Variants in DDX60L observed in about 807,000 individuals in gnomAD.
DDX60L encodes the protein DExD/H-box 60 like.
In DDX60L, 191 loss-of-function variants were observed where a neutral mutation model predicts 211.6. The ratio of observed to expected loss-of-function variants is 0.90; its 90% confidence interval spans 0.80 to 1.02. DDX60L has a LOEUF of 1.02. Ranked by LOEUF, DDX60L falls within the 50% of genes least tolerant of loss-of-function variation. The pLI, the probability that DDX60L is intolerant of heterozygous loss-of-function variation, is 0.00. For missense variants in DDX60L, 2,007 were observed against 1,984.1 expected (o/e 1.01, Z -0.22); for synonymous variants, 706 against 694.1 (o/e 1.02, Z -0.27).
chr4:168,386,689 A>C (rs2149704609), intron 29 of DDX60L, among the ~76,000 whole-genome samples: 1 of 151,820 alleles, frequency 6.6e-6, no homozygotes, highest in Middle Eastern at 3.4e-3. Flanking sequence ...TGTTTTTTTA[A>C]TCAAAGTCAC....
chr4:168,409,205 A>G (rs1024157144), intron 22 of DDX60L, among the ~76,000 whole-genome samples: 1 of 152,202 alleles, frequency 6.6e-6, no homozygotes, highest in African/African-American at 2.4e-5. Flanking sequence ...TAAAGAGCTG[A>G]GAAGATTCAT....
intron 9 of DDX60L, among the ~76,000 whole-genome samples, chr4:168,442,823 G>C (rs1754139447): frequency 6.6e-6 from 1 of 151,218 alleles, no homozygotes; most frequent in Admixed American, 6.6e-5. Context: ...GGTCCTCTCT[G>C]TTAGAAGGAA....
intron 28 of DDX60L, among the ~76,000 whole-genome samples, chr4:168,391,933 C>A (rs1030370278): frequency 2.0e-5 from 3 of 152,152 alleles, no homozygotes; most frequent in Non-Finnish European, 4.4e-5. Flanking sequence ...AGACTTCCTG[C>A]ACCATCGTTT....
In DDX60L at chr4:168,394,637, TA is replaced by T; in HGVS notation, c.3658-21del. 6.4e-7 allele frequency: 1 copy of T among 1,571,912 alleles called. No individual in the cohort carries two copies. Among genetic ancestry groups the T allele is most frequent in the Non-Finnish European group, 8.6e-7 (1 of 1,161,860 alleles). ...CAAAGTCTAAAACAAGAAAGAAGTGTAAAACAATTGATGATGTATTTTATTT... is the reference window on the plus strand; with the variant it reads ...CAAAGTCTAAAACAAGAAAGAAGTGTAAACAATTGATGATGTATTTTATTT... On this transcript the variant is annotated intron_variant, in intron 27 of 37. Coordinates refer to ENST00000682922, the MANE Select transcript of DDX60L (RefSeq NM_001012967.3).
chr4:168,442,566 T>C (rs1307453667), intron 9 of DDX60L, among the ~76,000 whole-genome samples: 1 of 152,160 alleles, frequency 6.6e-6, no homozygotes, highest in Non-Finnish European at 1.5e-5. Flanking sequence ...GCTCCACCTC[T>C]GGGGGCAGGG....
intron 26 of DDX60L, among the ~76,000 whole-genome samples, chr4:168,397,824 G>T (rs544159100): frequency 6.6e-6 from 1 of 152,332 alleles, no homozygotes; most frequent in African/African-American, 2.4e-5. Flanking sequence ...CTGGGAACAG[G>T]TGGAAGTCCT....
chr4:168,397,434 G>A (rs1169398057), intron 26 of DDX60L, among the ~76,000 whole-genome samples: 1 of 152,186 alleles, frequency 6.6e-6, no homozygotes, highest in Non-Finnish European at 1.5e-5. Context: ...ATGATTCAAA[G>A]TGGAATGAGA....
chr4:168,373,517 C>A, intron 35 of DDX60L, 149 bp downstream of exon 35: 1 of 796,198 alleles, frequency 1.3e-6, no homozygotes. Flanking sequence ...TCACACTGGC[C>A]TCCAGGGCTT....
intron 36 of DDX60L, among the ~76,000 whole-genome samples, chr4:168,366,181 C>T (rs532132447): frequency 3.9e-5 from 6 of 152,050 alleles, no homozygotes; most frequent in Admixed American, 2.0e-4. Context: ...ACATCCAAAT[C>T]GGAAAGGAAA....
At chr4:168,477,280 T>C (rs530270661) in intron 1 of DDX60L, among the ~76,000 whole-genome samples, 2 of 152,128 alleles carry the variant, frequency 1.3e-5, no homozygotes, top group East Asian at 3.9e-4. Context: ...CCGGGCGTGG[T>C]GGCAGGCGCC....
At chr4:168,473,149 A>C (rs1759031174) in intron 1 of DDX60L, among the ~76,000 whole-genome samples, 1 of 152,204 alleles carries the variant, frequency 6.6e-6, no homozygotes, top group African/African-American at 2.4e-5. Flanking sequence ...CAAGATTCAG[A>C]AAAGAAGTTA....
chr4:168,440,525 C>G (rs1223183721), intron 10 of DDX60L, among the ~76,000 whole-genome samples: 2 of 151,692 alleles, frequency 1.3e-5, no homozygotes, highest in African/African-American at 4.9e-5. Flanking sequence ...AGCTTTTCTC[C>G]TCTCTGGTCA....
At chr4:168,368,363 T>C (rs1405597129) in intron 36 of DDX60L, among the ~76,000 whole-genome samples, 1 of 152,196 alleles carries the variant, frequency 6.6e-6, no homozygotes, top group Non-Finnish European at 1.5e-5. Flanking sequence ...CACATGGTGT[T>C]CAGCCTGCAG....
chr4:168,380,167 A>G (rs919574427), intron 30 of DDX60L: 2 of 189,590 alleles, frequency 1.1e-5, no homozygotes, highest in African/African-American at 4.7e-5. Flanking sequence ...AGGCCATTCT[A>G]AAGGTAAATA....
intron 13 of DDX60L, 125 bp downstream of exon 13, chr4:168,430,352 AT>A: frequency 1.3e-6 from 1 of 777,204 alleles, no homozygotes; most frequent in Non-Finnish European, 1.9e-6. Context: ...CAATGTGAGA[AT>A]GGACTAAGAC....
In DDX60L at chr4:168,461,868, G is replaced by A. The variant is rs753344116; in HGVS notation, c.437C>T (p.Ser146Leu). The change falls in exon 5 of 38, where the codon TCA becomes TTA. Residue 146 changes from serine to leucine, a missense_variant. Physicochemically the swap from Ser to Leu is moderately radical, Grantham distance 145. Transcript: ENST00000682922. ...TTGTAAATCACTCAGGCCTTCCTCT[G>A]AAACTATCAGAAAATACGGGTAATG... ...EQHYPYFLIV[S>L]EEGLSDLQTY... The A allele has an allele frequency of 7.4e-6, 12 of 1,610,778 alleles. No homozygotes were observed. In the South Asian group the frequency reaches 1.1e-4, roughly 15 times the overall value.
intron 4 of DDX60L, chr4:168,469,918 C>T (rs984209900): frequency 3.3e-5 from 5 of 151,962 alleles, no homozygotes; most frequent in African/African-American, 1.2e-4. Flanking sequence ...AATATATTTG[C>T]AATAATATAC....
chr4:168,470,830 A>G, intron 4 of DDX60L: 1 of 270,352 alleles, frequency 3.7e-6, no homozygotes, highest in Admixed American at 4.9e-5. Flanking sequence ...AAAAGAGCGA[A>G]ACTCCATCTA....
Position 168,357,021 on chromosome 4 carries a change from G to T in DDX60L, c.*1126C>A, listed in dbSNP as rs940739371. ...ATCACAGCAAAAACGCACCTTTAAA[G>T]GTTTGTTTTTGTTATGGTTGCTGTT... On this transcript the variant is annotated 3_prime_UTR_variant, in exon 38 of 38. Coordinates refer to ENST00000682922, the MANE Select transcript of DDX60L (RefSeq NM_001012967.3). 6.6e-6 allele frequency: 1 copy of T among 152,072 alleles called. No individual in the cohort carries two copies. The highest frequency in any genetic ancestry group is 2.4e-5 in the African/African-American group (1 of 41,398). The allele number at this position is 152,072 out of a possible 1,614,324, so 9.4% of individuals were successfully genotyped here.
Sources: allele counts gnomAD v4.1 joint callset (sites outside exome capture counted in the v4.1 genomes callset), GRCh38; gene constraint gnomAD v4.1.1; transcripts MANE v1.5; gene names NCBI Gene and HGNC (gene_info 2026-07-23, HGNC 2026-07-21).